The following ANGPT4 variants were observed in gnomAD, a reference collection of about 807,000 sequenced individuals.
ANGPT4 encodes angiopoietin 4, also known as angiopoietin-4.
Under a neutral mutation model 53.0 loss-of-function variants are expected in ANGPT4, and 50 were observed. That is an observed-to-expected ratio of 0.94 (90% confidence interval 0.75 to 1.20). The LOEUF (loss-of-function observed/expected upper bound fraction) is 1.20. Ranked by LOEUF, ANGPT4 falls within the 50% of genes most tolerant of loss-of-function variation. The pLI, the probability that ANGPT4 is intolerant of heterozygous loss-of-function variation, is 0.00. For missense variants in ANGPT4, 648 were observed against 637.1 expected (o/e 1.02, Z -0.18); for synonymous variants, 251 against 259.7 (o/e 0.97, Z 0.32).
chr20:916,221 A>G lies in ANGPT4; in HGVS notation c.-7T>C. The G allele has an allele frequency of 6.2e-7, 1 of 1,609,782 alleles. No individual in the cohort carries two copies. Among genetic ancestry groups the G allele is most frequent in the Non-Finnish European group, 8.5e-7 (1 of 1,177,198 alleles). ...TGGCTAGCTGGGAGAGCATCTGAAG[A>G]TGTGTCAATGGCGAGGGATGTCTGC... On this transcript the variant is annotated 5_prime_UTR_variant, in exon 1 of 9. Coordinates refer to ENST00000381922, the MANE Select transcript of ANGPT4 (RefSeq NM_015985.4).
chr20:882,348 C>G (rs66664285), intron 4 of ANGPT4, among the ~76,000 whole-genome samples: 14,583 of 152,168 alleles, frequency 0.096, 1,087 homozygotes, highest in East Asian at 0.43. Flanking sequence ...CTCTGGGTAG[C>G]CAGGTACCCA....
intron 1 of ANGPT4, among the ~76,000 whole-genome samples, chr20:899,404 C>G (rs774297493): frequency 3.3e-5 from 5 of 151,964 alleles, no homozygotes; most frequent in Non-Finnish European, 7.4e-5. Flanking sequence ...CCTGCCACCA[C>G]GCCTAGCTAA....
chr20:899,464 A>G (rs570759043), intron 1 of ANGPT4, among the ~76,000 whole-genome samples: 15 of 152,044 alleles, frequency 9.9e-5, no homozygotes, highest in Admixed American at 6.6e-4. Flanking sequence ...CGTGTTAGCC[A>G]GGATATTCTC....
At chr20:885,994 T>C (rs2122786475) in intron 3 of ANGPT4, among the ~76,000 whole-genome samples, 1 of 152,356 alleles carries the variant, frequency 6.6e-6, no homozygotes, top group South Asian at 2.1e-4. Context: ...CTGTGACTTC[T>C]GCAGAGCAGG....
At chr20:906,975 G>A (rs1348140790) in intron 1 of ANGPT4, among the ~76,000 whole-genome samples, 3 of 152,226 alleles carry the variant, frequency 2.0e-5, no homozygotes. Context: ...AACATCCAGT[G>A]TGGTCTGGGC....
intron 3 of ANGPT4, among the ~76,000 whole-genome samples, chr20:886,441 TATAA>T (rs1263310625): frequency 5.3e-5 from 8 of 152,176 alleles, no homozygotes; most frequent in African/African-American, 1.9e-4. Flanking sequence ...AGAAACAAGG[TATAA>T]ACAAGTAGTA....
intron 4 of ANGPT4, 88 bp from the exon 5 acceptor site, chr20:881,374 G>A: frequency 8.1e-7 from 1 of 1,231,644 alleles, no homozygotes; most frequent in Non-Finnish European, 1.2e-6. Flanking sequence ...CTTTGTGCCA[G>A]GTTCTGGGTT....
At chr20:888,021 G>A (rs921896530) in intron 3 of ANGPT4, among the ~76,000 whole-genome samples, 6 of 151,850 alleles carry the variant, frequency 4.0e-5, no homozygotes, top group African/African-American at 1.5e-4. Context: ...GCCCAGCCCC[G>A]TATCCACTCT....
chr20:894,078 G>T (rs1038691053), intron 1 of ANGPT4, among the ~76,000 whole-genome samples: 1 of 152,060 alleles, frequency 6.6e-6, no homozygotes, highest in Non-Finnish European at 1.5e-5. Flanking sequence ...TGCTGTTGCT[G>T]GCTCGAATGC....
intron 1 of ANGPT4, among the ~76,000 whole-genome samples, chr20:896,581 A>T (rs1982061230): frequency 1.3e-5 from 2 of 152,324 alleles, no homozygotes; most frequent in South Asian, 2.1e-4. Flanking sequence ...CTTCCATGGA[A>T]AATGGTGCAT....
chr20:885,252 C>T lies in ANGPT4; in HGVS notation c.661G>A (p.Ala221Thr), dbSNP rs1244067919. Reference sequence around the variant, plus strand: ...CGGCTCAGCGTGTTCAGCAGCTTCGCCTTCTTGCTGAGGATGCTGGCCAGC... The same window carrying T: ...CGGCTCAGCGTGTTCAGCAGCTTCGTCTTCTTGCTGAGGATGCTGGCCAGC... ...EELASILSKK[A>T]KLLNTLSRQS... The change falls in exon 4 of 9, where the codon GCG becomes ACG. Residue 221 changes from alanine (A) to threonine (T), a missense_variant. Ala to Thr is a moderately conservative substitution (Grantham distance 58). Coordinates refer to ENST00000381922, the MANE Select transcript of ANGPT4 (RefSeq NM_015985.4). The T allele has an allele frequency of 6.3e-7, 1 of 1,583,526 alleles. No homozygotes were observed. Among genetic ancestry groups the T allele is most frequent in the Non-Finnish European group, 8.6e-7 (1 of 1,164,960 alleles).
chr20:872,095 A>G lies in ANGPT4; in HGVS notation c.*865T>C, dbSNP rs142217201. 5.8e-4 allele frequency: 88 copies of G among 152,338 alleles called. No individual in the cohort carries two copies. Among genetic ancestry groups the G allele is most frequent in the African/African-American group, 2.1e-3 (87 of 41,576 alleles). The allele number at this position is 152,338 out of a possible 1,614,324, so 9.4% of individuals were successfully genotyped here. On this transcript the variant is annotated 3_prime_UTR_variant, in exon 9 of 9. Coordinates refer to ENST00000381922, the MANE Select transcript of ANGPT4 (RefSeq NM_015985.4). ...AAATTTGGAGAAAGCTGCCCACTCT[A>G]GCCCCTTCATGGGTAGTCACAAGGC...
Position 895,739 on chromosome 20 carries a change from G to A in ANGPT4, c.310-5371C>T, listed in dbSNP as rs186989809. On this transcript the variant is annotated intron_variant, in intron 1 of 8. Coordinates refer to ENST00000381922, the MANE Select transcript of ANGPT4 (RefSeq NM_015985.4). ...AGTGGACTCCATTGAGCAATAAAAA[G>A]GAAAGAACCATTGATGTGTGCAAAC... 3.1e-3 allele frequency among the ~76,000 whole-genome samples: 475 copies of A among 152,256 alleles called. 2 individuals carry two copies. The highest frequency in any genetic ancestry group is 4.8e-3 in the Non-Finnish European group (325 of 68,022).
At chr20:885,043 C>T (rs753140834) in intron 4 of ANGPT4, 35 bp downstream of exon 4, 1 of 1,612,258 alleles carries the variant, frequency 6.2e-7, no homozygotes, top group Non-Finnish European at 8.5e-7. Flanking sequence ...TCCTGCCCGT[C>T]TTTAGCCACA....
At chr20:892,788 T>C (rs905802985) in intron 1 of ANGPT4, among the ~76,000 whole-genome samples, 11 of 152,032 alleles carry the variant, frequency 7.2e-5, no homozygotes, top group African/African-American at 2.7e-4. Flanking sequence ...TCCTCCCACC[T>C]CCCAAATAGC....
chr20:901,786 A>G (rs6055722), intron 1 of ANGPT4, among the ~76,000 whole-genome samples: 87,468 of 152,098 alleles, frequency 0.58, 26,815 homozygotes, highest in African/African-American at 0.79. Flanking sequence ...GTGGTGGTGC[A>G]TGCCTCTAGT....
intron 2 of ANGPT4, 139 bp from the exon 3 acceptor site, chr20:888,578 T>C: frequency 7.3e-7 from 1 of 1,372,704 alleles, no homozygotes; most frequent in Non-Finnish European, 9.6e-7. Flanking sequence ...CTGTGGTTAC[T>C]CACTCACAGG....
intron 2 of ANGPT4, 26 bp from the exon 3 acceptor site, chr20:888,465 G>T: frequency 6.2e-7 from 1 of 1,604,264 alleles, no homozygotes. Context: ...GAAGCAGGTA[G>T]GGGGCTGCGT....
intron 1 of ANGPT4, among the ~76,000 whole-genome samples, chr20:909,593 G>T (rs1454726731): frequency 6.6e-6 from 1 of 152,200 alleles, no homozygotes; most frequent in African/African-American, 2.4e-5. Flanking sequence ...GCCAGGCCCT[G>T]TACTGAGCCC....
Sources: gnomAD v4.1 joint callset for allele counts (sites outside exome capture counted in the v4.1 genomes callset) on GRCh38, gnomAD v4.1.1 for gene constraint, MANE v1.5 for transcripts, NCBI Gene and HGNC (gene_info 2026-07-23, HGNC 2026-07-21) for gene names.